Variants in NSG2 observed in about 807,000 individuals in gnomAD.
NSG2 encodes neuronal vesicle trafficking associated 2.
NSG2 carries 4 observed loss-of-function variants against 16.9 expected under a neutral mutation model. The ratio of observed to expected loss-of-function variants is 0.24; its 90% CI spans 0.12 to 0.54. The LOEUF (loss-of-function observed/expected upper bound fraction) is 0.54, where lower values mean the gene tolerates loss of function less well. Among genes scored for constraint, NSG2 ranks in the 20% least tolerant of loss-of-function variants. NSG2 has a pLI of 0.95. For missense variants in NSG2, 179 were observed against 221.1 expected, an observed-to-expected ratio of 0.81 and a Z score of 1.21; for synonymous variants, 98 against 88.7, an observed-to-expected ratio of 1.11 and a Z score of -0.59.
At chr5:174,096,724 G>A (rs993241376) in intron 3 of NSG2, among the ~76,000 whole-genome samples, 2 of 151,988 alleles carry the variant, frequency 1.3e-5, no homozygotes, top group African/African-American at 2.4e-5. Flanking sequence ...GAATATGGGG[G>A]CAGGGGGAGA....
chr5:174,093,785 C>T (rs756543299), intron 3 of NSG2, among the ~76,000 whole-genome samples: 5 of 152,136 alleles, frequency 3.3e-5, no homozygotes, highest in Non-Finnish European at 7.3e-5. Context: ...TTGAAGTTTC[C>T]AGGGTTTGCA....
At chr5:174,060,738 G>C (rs1760037366) in intron 2 of NSG2, among the ~76,000 whole-genome samples, 1 of 152,214 alleles carries the variant, frequency 6.6e-6, no homozygotes, top group Admixed American at 6.5e-5. Context: ...GCTGTCGACA[G>C]ATTTCAGTTC....
intron 2 of NSG2, among the ~76,000 whole-genome samples, chr5:174,050,589 CT>C (rs922602522): frequency 1.6e-4 from 24 of 151,688 alleles, no homozygotes; most frequent in African/African-American, 5.6e-4. Flanking sequence ...GATGTTCCAA[CT>C]TTTTTTTTCT....
intron 2 of NSG2, among the ~76,000 whole-genome samples, chr5:174,051,598 G>A (rs1759890876): frequency 6.6e-6 from 1 of 151,208 alleles, no homozygotes; most frequent in Non-Finnish European, 1.5e-5. Flanking sequence ...CATCCATCCA[G>A]CAAGTCTTAT....
chr5:174,058,993 A>G (rs1336607408), intron 2 of NSG2, among the ~76,000 whole-genome samples: 1 of 152,220 alleles, frequency 6.6e-6, no homozygotes. Context: ...TATTTTCATT[A>G]GAAAGTCACT....
chr5:174,087,529 C>T (rs1760648440), intron 3 of NSG2, among the ~76,000 whole-genome samples: 1 of 152,084 alleles, frequency 6.6e-6, no homozygotes, highest in South Asian at 2.1e-4. Context: ...CTTGTAATCC[C>T]AGCACTTTGG....
At chr5:174,098,410 C>T (rs1760840592) in intron 3 of NSG2, among the ~76,000 whole-genome samples, 2 of 150,754 alleles carry the variant, frequency 1.3e-5, no homozygotes, top group African/African-American at 2.5e-5. Context: ...CTGGACCCTG[C>T]TTTCCTTCCA....
At chr5:174,089,417 T>G (rs1335871931) in intron 3 of NSG2, among the ~76,000 whole-genome samples, 1 of 152,062 alleles carries the variant, frequency 6.6e-6, no homozygotes, top group Non-Finnish European at 1.5e-5. Flanking sequence ...AGGGTGTATT[T>G]TTTTTTCCAT....
intron 3 of NSG2, among the ~76,000 whole-genome samples, chr5:174,099,776 A>T (rs73326846): frequency 0.017 from 2,575 of 152,072 alleles, 87 homozygotes; most frequent in African/African-American, 0.059. Context: ...TTCTTCCATG[A>T]AGTCACTTAT....
At position 174,104,271 on chromosome 5, in the gene NSG2, T is replaced by A. The variant is rs991204149; in HGVS notation, c.257T>A (p.Ile86Asn). 6.2e-7 allele frequency: 1 copy of A among 1,614,164 alleles called. No homozygotes were observed. The change falls in exon 4 of 5, where the codon ATC becomes AAC. Residue 86 changes from isoleucine (I) to asparagine (N), a missense_variant. Transcript: ENST00000303177. Reference sequence around the variant, plus strand: ...CTGGCCCTAGCTTTCCTTGCGTGCATCGTGTTCCTGGTGGTTTACAAAGCC... The same window carrying A: ...CTGGCCCTAGCTTTCCTTGCGTGCAACGTGTTCCTGGTGGTTTACAAAGCC... ...VSLALAFLAC[I>N]VFLVVYKAFT... is the part of the protein sequence containing the mutation.
At chr5:174,084,967 TC>T (rs1198683667) in intron 3 of NSG2, among the ~76,000 whole-genome samples, 1 of 152,202 alleles carries the variant, frequency 6.6e-6, no homozygotes, top group Non-Finnish European at 1.5e-5. Context: ...TGCACGTCCA[TC>T]TTTTTTGGAG....
intron 3 of NSG2, among the ~76,000 whole-genome samples, chr5:174,078,669 G>C (rs1760389367): frequency 6.6e-6 from 1 of 152,308 alleles, no homozygotes; most frequent in South Asian, 2.1e-4. Flanking sequence ...CCTTTGGGAA[G>C]TGATTAGGTC....
intron 3 of NSG2, among the ~76,000 whole-genome samples, chr5:174,091,039 CTTTTTTTT>C (rs35022469): frequency 8.1e-5 from 10 of 124,092 alleles, no homozygotes; most frequent in Non-Finnish European, 1.0e-4. Context: ...CTTCTTCTTC[CTTTTTTTT>C]TTTTTTTTTT....
chr5:174,095,754 C>T (rs10070271), intron 3 of NSG2, among the ~76,000 whole-genome samples: 2,584 of 152,264 alleles, frequency 0.017, 90 homozygotes, highest in African/African-American at 0.059. Context: ...CTCAGAACTC[C>T]GAGAGACAGA....
rs568267457 is a variant in NSG2, at chr5:174,102,377, C to G, written c.214-1851C>G. Among the ~76,000 whole-genome samples, 176 of 152,290 alleles carry G rather than the reference C, an allele frequency of 1.2e-3. 1 individual carries two copies. The highest frequency in any genetic ancestry group is 0.011 in the Admixed American group (175 of 15,300). ...GGGCACTCCCAAAGTTAATTTTACT[C>G]TTTTTCTGAATCAAAAGGAACCTTT... On this transcript the variant is annotated intron_variant, in intron 3 of 4. Coordinates refer to ENST00000303177, the MANE Select transcript of NSG2 (RefSeq NM_015980.5).
chr5:174,064,420 A>G, intron 3 of NSG2, 105 bp downstream of exon 3: 1 of 612,906 alleles, frequency 1.6e-6, no homozygotes, highest in Non-Finnish European at 2.8e-6. Context: ...TGGGGAAATG[A>G]TGCAGGCTAT....
chr5:174,066,989 C>CA (rs543368373), intron 3 of NSG2, among the ~76,000 whole-genome samples: 10,967 of 27,668 alleles, frequency 0.4, 2,231 homozygotes, highest in African/African-American at 0.55. Context: ...GACTCTGTCT[C>CA]AAAAAAAAAA....
chr5:174,103,691 A>G (rs765440931), intron 3 of NSG2, among the ~76,000 whole-genome samples: 4 of 152,334 alleles, frequency 2.6e-5, no homozygotes, highest in Non-Finnish European at 4.4e-5. Context: ...TCATGCCTGT[A>G]ATCCTAGTAC....
chr5:174,073,007 T>C (rs1760269867), intron 3 of NSG2, among the ~76,000 whole-genome samples: 1 of 152,126 alleles, frequency 6.6e-6, no homozygotes, highest in Non-Finnish European at 1.5e-5. Context: ...AATGAATGAA[T>C]GCATAAGGAG....
Sources: gnomAD v4.1 joint callset for allele counts (sites outside exome capture counted in the v4.1 genomes callset) on GRCh38, gnomAD v4.1.1 for gene constraint, MANE v1.5 for transcripts, NCBI Gene and HGNC (gene_info 2026-07-23, HGNC 2026-07-21) for gene names.